Variants in DHRSX observed in about 807,000 individuals in gnomAD.
DHRSX encodes dehydrogenase/reductase X-linked, also known as polyprenol dehydrogenase.
In DHRSX, 31 loss-of-function variants were observed where a neutral mutation model predicts 34.0. That is an observed-to-expected ratio of 0.91 (90% confidence interval 0.69 to 1.23). The LOEUF is 1.23. Among genes scored for constraint, DHRSX ranks in the 50% most tolerant of loss-of-function variants. The pLI, the probability that DHRSX is intolerant of heterozygous loss-of-function variation, is 0.00. For missense variants in DHRSX, 414 were observed against 428.1 expected (o/e 0.97, Z 0.29); for synonymous variants, 201 against 183.8 (o/e 1.09, Z -0.76).
At chrX:2,430,014 T>A (rs186281439) in intron 1 of DHRSX, among the ~76,000 whole-genome samples, 1 of 152,004 alleles carries the variant, frequency 6.6e-6, no homozygotes, top group Non-Finnish European at 1.5e-5. Flanking sequence ...CAGTCCTGCT[T>A]ATAATATAGA....
intron 3 of DHRSX, among the ~76,000 whole-genome samples, chrX:2,387,874 T>A (rs1382273056): frequency 5.3e-4 from 46 of 87,066 alleles, no homozygotes; most frequent in South Asian, 3.9e-3. Context: ...AAAAAAAAAA[T>A]TCCCTACTCT....
At chrX:2,328,332 G>A (rs1313255429) in intron 3 of DHRSX, among the ~76,000 whole-genome samples, 1 of 151,722 alleles carries the variant, frequency 6.6e-6, no homozygotes, top group African/African-American at 2.4e-5. Context: ...AAGAAAAGGA[G>A]ATGAGGACAC....
intron 3 of DHRSX, among the ~76,000 whole-genome samples, chrX:2,395,535 C>T (rs751755850): frequency 2.7e-4 from 41 of 152,254 alleles, no homozygotes; most frequent in Admixed American, 5.2e-4. Context: ...TGCTTGGAAA[C>T]ATGTAGCGCC....
At chrX:2,304,034 TGGA>T (rs1230765292) in intron 3 of DHRSX, among the ~76,000 whole-genome samples, 2 of 123,464 alleles carry the variant, frequency 1.6e-5, no homozygotes, top group East Asian at 4.4e-4. Flanking sequence ...GATGGATGGA[TGGA>T]TGGATGGATG....
At chrX:2,431,549 T>A (rs982143657) in intron 1 of DHRSX, among the ~76,000 whole-genome samples, 33 of 152,082 alleles carry the variant, frequency 2.2e-4, no homozygotes, top group African/African-American at 7.0e-4. Flanking sequence ...ACATGGTGCA[T>A]CTATACCATG....
intron 3 of DHRSX, among the ~76,000 whole-genome samples, chrX:2,349,913 C>G (rs2042768338): frequency 6.6e-6 from 1 of 150,980 alleles, no homozygotes; most frequent in South Asian, 2.1e-4. Flanking sequence ...GTGGCAGGCG[C>G]CTGCAGTCCC....
intron 3 of DHRSX, among the ~76,000 whole-genome samples, chrX:2,406,660 C>T (rs1336501965): frequency 5.3e-5 from 8 of 151,994 alleles, no homozygotes; most frequent in Middle Eastern, 3.2e-3. Context: ...AGGCTGGTCT[C>T]GAACTCCTGA....
intron 3 of DHRSX, among the ~76,000 whole-genome samples, chrX:2,341,665 TGGTGGG>T (rs2042641776): frequency 7.5e-6 from 1 of 133,148 alleles, no homozygotes; most frequent in African/African-American, 3.0e-5. Context: ...TTTTTTTTTT[TGGTGGG>T]GGTGGGGGTA....
intron 1 of DHRSX, among the ~76,000 whole-genome samples, chrX:2,453,890 T>C (rs772563277): frequency 3.3e-5 from 5 of 152,292 alleles, no homozygotes; most frequent in South Asian, 4.1e-4. Context: ...ATTGTTAATA[T>C]GTTAATTAGC....
At chrX:2,448,910 C>T (rs190339535) in intron 1 of DHRSX, among the ~76,000 whole-genome samples, 3,983 of 152,216 alleles carry the variant, frequency 0.026, 83 homozygotes, top group Admixed American at 0.053. Flanking sequence ...CACACTGGGC[C>T]GGGCGCGGTG....
At chrX:2,229,712 CGT>C (rs1569476976) in intron 6 of DHRSX, among the ~76,000 whole-genome samples, 1 of 151,874 alleles carries the variant, frequency 6.6e-6, no homozygotes, top group East Asian at 1.9e-4. Flanking sequence ...TTAATGGGTA[CGT>C]GTGTGTATTC....
intron 1 of DHRSX, among the ~76,000 whole-genome samples, chrX:2,440,658 C>T (rs761177599): frequency 2.6e-5 from 4 of 151,898 alleles, no homozygotes; most frequent in Admixed American, 2.6e-4. Context: ...ACCCCAGGGT[C>T]TTTGGGTTTT....
At chrX:2,245,961 C>CA (rs1349755698) in intron 5 of DHRSX, among the ~76,000 whole-genome samples, 1,891 of 58,658 alleles carry the variant, frequency 0.032, 64 homozygotes, top group African/African-American at 0.072. Flanking sequence ...GACTCCATCT[C>CA]AAAAAAAACA....
intron 6 of DHRSX, among the ~76,000 whole-genome samples, chrX:2,235,264 G>C (rs1338521496): frequency 2.0e-5 from 3 of 152,000 alleles, no homozygotes; most frequent in Non-Finnish European, 4.4e-5. Flanking sequence ...GTGGATTGAC[G>C]ATGAGGACCC....
intron 4 of DHRSX, among the ~76,000 whole-genome samples, chrX:2,267,848 G>A (rs1458321820): frequency 6.6e-6 from 1 of 152,078 alleles, no homozygotes; most frequent in Non-Finnish European, 1.5e-5. Context: ...CGGGGAGGTT[G>A]AGGCGGGAGG....
intron 1 of DHRSX, chrX:2,489,603 C>T (rs778292006): frequency 1.4e-5 from 22 of 1,612,510 alleles, no homozygotes; most frequent in Middle Eastern, 1.9e-4. Context: ...ACCAAGACCC[C>T]GGCGATGACG....
chrX:2,471,268 G>A (rs2044588104), intron 1 of DHRSX, among the ~76,000 whole-genome samples: 1 of 152,188 alleles, frequency 6.6e-6, no homozygotes, highest in Non-Finnish European at 1.5e-5. Flanking sequence ...CCAGTTATGT[G>A]CTCAAGGTGT....
intron 1 of DHRSX, among the ~76,000 whole-genome samples, chrX:2,485,749 G>GAGAAGGAAGGAAGGGAGAGAA (rs767813888): frequency 5.3e-5 from 3 of 56,698 alleles, no homozygotes; most frequent in Admixed American, 1.8e-4. Flanking sequence ...AGAGAAGGGA[G>GAGAAGGAAGGAAGGGAGAGAA]GGAAGGAAGG....
chrX:2,485,052 G>A (rs189278402), intron 1 of DHRSX, among the ~76,000 whole-genome samples: 184 of 152,218 alleles, frequency 1.2e-3, no homozygotes, highest in African/African-American at 4.0e-3. Context: ...TCTGCAAAGT[G>A]GGGGGGAAAC....
Sources: gnomAD v4.1 joint callset for allele counts (sites outside exome capture counted in the v4.1 genomes callset) on GRCh38, gnomAD v4.1.1 for gene constraint, MANE v1.5 for transcripts, NCBI Gene and HGNC (gene_info 2026-07-23, HGNC 2026-07-21) for gene names.